The following SLC24A4 variants were observed in gnomAD, a reference collection of about 807,000 sequenced individuals.
SLC24A4 encodes sodium/potassium/calcium exchanger 4.
A neutral mutation model predicts 79.0 loss-of-function variants in SLC24A4; 53 were observed. That is an observed-to-expected ratio of 0.67 (90% CI 0.54 to 0.84). The LOEUF (loss-of-function observed/expected upper bound fraction) is 0.84, where lower values mean the gene tolerates loss of function less well. Among genes scored for constraint, SLC24A4 ranks in the 40% least tolerant of loss-of-function variants. The probability of loss-of-function intolerance (pLI) is 0.00; values close to 1 mark genes in which losing one functional copy is unlikely to be tolerated. For missense variants in SLC24A4, 731 were observed against 822.0 expected (o/e 0.89, Z 1.35); for synonymous variants, 323 against 323.8 (o/e 1.00, Z 0.03).
rs528934470 is a variant in SLC24A4, at chr14:92,490,209, C to T, written c.1538-1456C>T. Among the ~76,000 whole-genome samples, 3 of 152,168 alleles carry T rather than the reference C, an allele frequency of 2.0e-5. No homozygotes were observed. The highest frequency in any genetic ancestry group is 2.9e-5 in the Non-Finnish European group (2 of 68,046). Reference sequence around the variant, plus strand: ...GCAATGTTGTGGTTCTAGGCATGTGCGTTTCAGGTTTGTTCATTCCAAAAA... The same window carrying T: ...GCAATGTTGTGGTTCTAGGCATGTGTGTTTCAGGTTTGTTCATTCCAAAAA... On this transcript the variant is annotated intron_variant, in intron 14 of 16. Transcript: ENST00000532405. This position sits in a 1 kb window ranked among gnomAD's most constrained non-coding sequence, Gnocchi z 4.3.
In SLC24A4 at chr14:92,449,045, C is replaced by G. The variant is rs777991822; in HGVS notation, c.738-29C>G. On this transcript the variant is annotated intron_variant, in intron 9 of 16. Coordinates refer to ENST00000532405, the MANE Select transcript of SLC24A4 (RefSeq NM_153646.4). ...AGTTGGTGGGACTCCTTTCCATTGCCCTGACCTCCTGCCTCCCCTCGCTTC... is the reference window on the plus strand; with the variant it reads ...AGTTGGTGGGACTCCTTTCCATTGCGCTGACCTCCTGCCTCCCCTCGCTTC... 4 of 1,612,652 alleles carry G rather than the reference C, an allele frequency of 2.5e-6. No homozygotes were observed. The Admixed American group carries it at 5.0e-5, about 20-fold the overall frequency.
Position 92,406,549 on chromosome 14 carries a change from C to T in SLC24A4, c.242-27363C>T, listed in dbSNP as rs192584744. Among the ~76,000 whole-genome samples, 73 of 152,308 alleles carry T rather than the reference C, an allele frequency of 4.8e-4. No homozygotes were observed. The East Asian group carries it at 0.013, about 28-fold the overall frequency. ...TTTCCATACATCCTCTAAAATCTAG[C>T]GGAGGCTCCAAAATCTCAACTCTTG... On this transcript the variant is annotated intron_variant, in intron 2 of 16. Transcript: ENST00000532405.
intron 2 of SLC24A4, among the ~76,000 whole-genome samples, chr14:92,342,823 C>T (rs1886244244): frequency 1.3e-5 from 2 of 152,252 alleles, no homozygotes; most frequent in Admixed American, 6.5e-5. Flanking sequence ...GCTCCTCCCA[C>T]TTTTTGGATC....
At chr14:92,384,803 C>T (rs1566730374) in intron 2 of SLC24A4, among the ~76,000 whole-genome samples, 1 of 152,126 alleles carries the variant, frequency 6.6e-6, no homozygotes. Flanking sequence ...TCCTCCTCTT[C>T]CCCTGACTTA....
At chr14:92,487,452 G>C (rs959291728) in intron 14 of SLC24A4, among the ~76,000 whole-genome samples, 1 of 147,906 alleles carries the variant, frequency 6.8e-6, no homozygotes, top group African/African-American at 2.5e-5. Flanking sequence ...AGACAGAAGA[G>C]AACAGTGCCC....
At chr14:92,438,157 C>T (rs893387950) in intron 3 of SLC24A4, among the ~76,000 whole-genome samples, 11 of 152,198 alleles carry the variant, frequency 7.2e-5, no homozygotes, top group Non-Finnish European at 1.2e-4. Flanking sequence ...CAGTTGCAAA[C>T]CTCAAGTTGT....
rs1001462152 is a variant in SLC24A4 at position 92,417,612 on chromosome 14, C to T, written c.242-16300C>T. On this transcript the variant is annotated intron_variant, in intron 2 of 16. Transcript: ENST00000532405. ...CCTGGGCCTTCCCATTCACTAACCA[C>T]GCACTCACTTGCTCACCCAGAGCAA... 7.2e-5 allele frequency among the ~76,000 whole-genome samples: 11 copies of T among 152,366 alleles called. 1 individual carries two copies. The highest frequency in any genetic ancestry group is 6.2e-4 in the South Asian group (3 of 4,826).
At chr14:92,342,316 G>C (rs1886192311) in intron 2 of SLC24A4, among the ~76,000 whole-genome samples, 1 of 151,708 alleles carries the variant, frequency 6.6e-6, no homozygotes, top group Non-Finnish European at 1.5e-5. Flanking sequence ...GGCTGTGGGG[G>C]GGGGGTCTCC....
chr14:92,401,222 G>A lies in SLC24A4; in HGVS notation c.242-32690G>A, dbSNP rs114175519. 7.4e-3 allele frequency among the ~76,000 whole-genome samples: 1,132 copies of A among 152,180 alleles called. 17 individuals are homozygous for A. The highest frequency in any genetic ancestry group is 0.026 in the African/African-American group (1,062 of 41,518). ...AATCAAGTCGATAAGAATTTTTTGCGCCCCATTGTGTGCCTGCTGCTGTGC... is the reference window on the plus strand; with the variant it reads ...AATCAAGTCGATAAGAATTTTTTGCACCCCATTGTGTGCCTGCTGCTGTGC... On this transcript the variant is annotated intron_variant, in intron 2 of 16. Transcript: ENST00000532405.
chr14:92,353,651 T>G lies in SLC24A4; in HGVS notation c.241+27673T>G, dbSNP rs1022703780. On this transcript the variant is annotated intron_variant, in intron 2 of 16. Coordinates refer to ENST00000532405, the MANE Select transcript of SLC24A4 (RefSeq NM_153646.4). The surrounding 1 kb of genome is among the most constrained non-coding windows in gnomAD (Gnocchi z 4.1). ...CATGAGTGAGGTTGAGCATTTTTCC[T>G]ATTAGAGTCATTTGTGTTCCCTTTC... is the stretch of plus-strand genomic sequence containing the variant. Among the ~76,000 whole-genome samples the G allele has an allele frequency of 1.3e-5, 2 of 152,218 alleles. No homozygotes were observed. The highest frequency in any genetic ancestry group is 4.8e-5 in the African/African-American group (2 of 41,464).
intron 2 of SLC24A4, among the ~76,000 whole-genome samples, chr14:92,432,959 CT>C (rs956775071): frequency 3.3e-5 from 5 of 152,172 alleles, no homozygotes; most frequent in Non-Finnish European, 5.9e-5. Context: ...TAAAAGTATT[CT>C]AATAAGATGA....
intron 12 of SLC24A4, among the ~76,000 whole-genome samples, chr14:92,471,860 C>T (rs1255970430): frequency 6.6e-6 from 1 of 152,142 alleles, no homozygotes; most frequent in Non-Finnish European, 1.5e-5. Context: ...ACAATGAATG[C>T]CCTCTACAAC....
intron 2 of SLC24A4, among the ~76,000 whole-genome samples, chr14:92,400,284 C>T (rs1204275041): frequency 6.6e-6 from 1 of 151,760 alleles, no homozygotes. Flanking sequence ...ACTAAAAATA[C>T]AAAAACTAGC....
At position 92,441,093 on chromosome 14, in the gene SLC24A4, C is replaced by G. The variant is rs1238559290; in HGVS notation, c.394-996C>G. On this transcript the variant is annotated intron_variant, in intron 4 of 16. Transcript: ENST00000532405. This position sits in a 1 kb window ranked among gnomAD's most constrained non-coding sequence, Gnocchi z 4.6. ...CCCAGACTCCGTCAAGCCCAGAGCTCTAACCCTTCTGAGGACCCCTCTAAG... is the reference window on the plus strand; with the variant it reads ...CCCAGACTCCGTCAAGCCCAGAGCTGTAACCCTTCTGAGGACCCCTCTAAG... Among the ~76,000 whole-genome samples, 1 of 152,144 alleles carries G rather than the reference C, an allele frequency of 6.6e-6. No homozygotes were observed. The highest frequency in any genetic ancestry group is 1.5e-5 in the Non-Finnish European group (1 of 68,014).
chr14:92,465,642 G>T (rs1206578735), intron 12 of SLC24A4, among the ~76,000 whole-genome samples: 1 of 152,132 alleles, frequency 6.6e-6, no homozygotes. Flanking sequence ...TCCCCACGAG[G>T]GCAGCTGCTT....
intron 2 of SLC24A4, among the ~76,000 whole-genome samples, chr14:92,395,082 C>T (rs143083711): frequency 3.5e-4 from 53 of 152,260 alleles, no homozygotes; most frequent in Admixed American, 2.7e-3. Context: ...GGCCTCTGGA[C>T]GGATAAGGGA....
At chr14:92,492,308 C>T in intron 16 of SLC24A4, 68 bp downstream of exon 16, 1 of 1,453,394 alleles carries the variant, frequency 6.9e-7, no homozygotes, top group Non-Finnish European at 9.6e-7. Flanking sequence ...CGCCTCGTCA[C>T]TTACGTGACT....
chr14:92,391,386 G>T (rs942913912), intron 2 of SLC24A4, among the ~76,000 whole-genome samples: 1 of 152,204 alleles, frequency 6.6e-6, no homozygotes, highest in South Asian at 2.1e-4. Context: ...TCCAGGGTGG[G>T]TTGTTACCAC....
intron 2 of SLC24A4, among the ~76,000 whole-genome samples, chr14:92,368,138 C>A (rs1478512256): frequency 6.6e-6 from 1 of 152,172 alleles, no homozygotes; most frequent in Admixed American, 6.5e-5. Context: ...CGCTAAGATC[C>A]TCACATCCTA....
Sources: gnomAD v4.1 joint callset for allele counts (sites outside exome capture counted in the v4.1 genomes callset) on GRCh38, gnomAD v4.1.1 for gene constraint, Gnocchi (gnomAD v3.1) non-coding constraint, MANE v1.5 for transcripts, NCBI Gene and HGNC (gene_info 2026-07-23, HGNC 2026-07-21) for gene names.